The following SUFU variants were observed in gnomAD, a reference collection of about 807,000 sequenced individuals.
SUFU encodes the protein suppressor of fused homolog.
In SUFU, 7 loss-of-function variants were observed where a neutral mutation model predicts 58.9. That is an observed-to-expected ratio of 0.12 (90% CI 0.07 to 0.22). The LOEUF is 0.22. SUFU is among the 10% of genes least tolerant of loss of function. SUFU has a pLI of 1.00. For synonymous variants in SUFU, 232 were observed against 254.8 expected (o/e 0.91, Z 0.85); for missense variants, 451 against 641.3 (o/e 0.70, Z 3.20).
chr10:102,593,504 G>A (rs529842225), intron 4 of SUFU, 132 bp from the exon 5 acceptor site: 162 of 910,428 alleles, frequency 1.8e-4, no homozygotes, highest in African/African-American at 6.5e-4. Context: ...AATCTTGGCT[G>A]CACCAGCTCC....
At chr10:102,517,724 C>G (rs954713641) in intron 2 of SUFU, among the ~76,000 whole-genome samples, 1 of 152,190 alleles carries the variant, frequency 6.6e-6, no homozygotes, top group African/African-American at 2.4e-5. Flanking sequence ...TGAGATGTGT[C>G]TGGTGGGATC....
At chr10:102,528,453 C>A (rs1183714080) in intron 2 of SUFU, among the ~76,000 whole-genome samples, 1 of 152,046 alleles carries the variant, frequency 6.6e-6, no homozygotes, top group East Asian at 1.9e-4. Flanking sequence ...TGTCTGTAGT[C>A]TCAGCTACTC....
chr10:102,508,958 A>G (rs2062363805), intron 1 of SUFU, among the ~76,000 whole-genome samples: 1 of 152,230 alleles, frequency 6.6e-6, no homozygotes, highest in African/African-American at 2.4e-5. Flanking sequence ...TTTCAGGGGT[A>G]GGAGAAGGGA....
intron 2 of SUFU, among the ~76,000 whole-genome samples, chr10:102,523,456 T>TC (rs2062573888): frequency 6.6e-6 from 1 of 152,146 alleles, no homozygotes; most frequent in Admixed American, 6.5e-5. Flanking sequence ...AGGCTACCAG[T>TC]CCCAGGGGGG....
At chr10:102,599,706 A>G (rs1292137999) in intron 8 of SUFU, among the ~76,000 whole-genome samples, 162 bp downstream of exon 8, 1 of 152,182 alleles carries the variant, frequency 6.6e-6, no homozygotes, top group Non-Finnish European at 1.5e-5. Flanking sequence ...ACACAGATCT[A>G]TCTGTGGGTC....
At chr10:102,517,816 G>T (rs2135653417) in intron 2 of SUFU, among the ~76,000 whole-genome samples, 1 of 152,300 alleles carries the variant, frequency 6.6e-6, no homozygotes, top group East Asian at 1.9e-4. Context: ...TGCCTACCAA[G>T]CTCTTGAGAA....
intron 6 of SUFU, 138 bp downstream of exon 6, chr10:102,594,203 C>T (rs2063436931): frequency 2.3e-6 from 2 of 873,204 alleles, no homozygotes; most frequent in African/African-American, 3.3e-5. Context: ...GAACTTGTCC[C>T]CTGAATTCTG....
At chr10:102,610,400 A>AAAAAAG (rs753763781) in intron 8 of SUFU, among the ~76,000 whole-genome samples, 1 of 151,546 alleles carries the variant, frequency 6.6e-6, no homozygotes. Flanking sequence ...CTCAAAAAAA[A>AAAAAAG]AAAGAAAAAG....
intron 1 of SUFU, among the ~76,000 whole-genome samples, chr10:102,506,380 T>C (rs1282775876): frequency 6.6e-6 from 1 of 152,132 alleles, no homozygotes; most frequent in East Asian, 1.9e-4. Context: ...CAGTGACTGG[T>C]ACTTTCTTTT....
chr10:102,563,596 C>T (rs185306969), intron 3 of SUFU, among the ~76,000 whole-genome samples: 5 of 151,766 alleles, frequency 3.3e-5, no homozygotes, highest in East Asian at 3.9e-4. Context: ...AGATTGAGTC[C>T]GGGAGGTTGA....
chr10:102,575,838 A>G (rs944523456), intron 3 of SUFU, among the ~76,000 whole-genome samples: 3 of 152,060 alleles, frequency 2.0e-5, no homozygotes, highest in Admixed American at 2.0e-4. Flanking sequence ...TAATACATAA[A>G]TAAATTTCAG....
At chr10:102,597,371 T>G (rs2063474361) in intron 7 of SUFU, 78 bp downstream of exon 7, 2 of 1,525,812 alleles carry the variant, frequency 1.3e-6, no homozygotes, top group East Asian at 4.5e-5. Flanking sequence ...CTCTCTAGGA[T>G]GGGTCTCTAA....
At chr10:102,561,667 C>CTTTTTTTTT (rs34738568) in intron 3 of SUFU, among the ~76,000 whole-genome samples, 1 of 110,618 alleles carries the variant, frequency 9.0e-6, no homozygotes. Flanking sequence ...GACCAGCAAG[C>CTTTTTTTTT]TTTTTTTTTT....
Position 102,617,735 on chromosome 10 carries a change from T to A in SUFU, c.1296+307T>A. The A allele has an allele frequency of 1.7e-6, 1 of 576,036 alleles. No homozygotes were observed. Among genetic ancestry groups the A allele is most frequent in the Non-Finnish European group, 3.1e-6 (1 of 324,658 alleles). The allele number at this position is 576,036 out of a possible 1,614,324, so 35.7% of individuals were successfully genotyped here. ...ATCCAGGTTGGAGGGATATAAGACT[T>A]TCTGCACCTTGGGTAAACCAAGGTA... On this transcript the variant is annotated intron_variant, in intron 10 of 11. Transcript: ENST00000369902. This position sits in a 1 kb window ranked among gnomAD's most constrained non-coding sequence, Gnocchi z 4.4.
intron 3 of SUFU, among the ~76,000 whole-genome samples, chr10:102,576,075 G>A (rs2063209288): frequency 6.6e-6 from 1 of 151,410 alleles, no homozygotes; most frequent in African/African-American, 2.4e-5. Context: ...TGAACTTCTG[G>A]ACTGAAGTGA....
chr10:102,563,697 A>G (rs1432119559), intron 3 of SUFU, among the ~76,000 whole-genome samples: 3 of 152,158 alleles, frequency 2.0e-5, no homozygotes, highest in African/African-American at 7.2e-5. Flanking sequence ...CCCTGCCTCA[A>G]AAAACAAAAA....
At chr10:102,509,922 C>T (rs771991912) in intron 2 of SUFU, among the ~76,000 whole-genome samples, 2 of 152,032 alleles carry the variant, frequency 1.3e-5, no homozygotes, top group Non-Finnish European at 1.5e-5. Flanking sequence ...ACTGCAGCCT[C>T]GACCTCCCTA....
At chr10:102,623,017 G>C (rs1396401334) in intron 10 of SUFU, among the ~76,000 whole-genome samples, 3 of 104,632 alleles carry the variant, frequency 2.9e-5, no homozygotes, top group South Asian at 6.2e-4. Context: ...AAAAAAAAAA[G>C]CATGGGCCTT....
chr10:102,579,974 C>G (rs2063256044), intron 3 of SUFU: 1 of 503,598 alleles, frequency 2.0e-6, no homozygotes, highest in African/African-American at 2.1e-5. Context: ...CCTTCTAGCC[C>G]CAAGAGCTCC....
Sources: gnomAD v4.1 joint callset for allele counts (sites outside exome capture counted in the v4.1 genomes callset) on GRCh38, gnomAD v4.1.1 for gene constraint, Gnocchi (gnomAD v3.1) non-coding constraint, MANE v1.5 for transcripts, NCBI Gene and HGNC (gene_info 2026-07-23, HGNC 2026-07-21) for gene names.